The following FHIT variants were observed in gnomAD, a reference collection of about 807,000 sequenced individuals.
FHIT encodes bis(5'-adenosyl)-triphosphatase.
In FHIT, 19 loss-of-function variants were observed where a neutral mutation model predicts 17.9. That is an observed-to-expected ratio of 1.06 (90% CI 0.74 to 1.56). FHIT has a LOEUF of 1.56. FHIT is among the 40% of genes most tolerant of loss of function. The pLI is 0.00. For synonymous variants in FHIT, 81 were observed against 69.7 expected (o/e 1.16, Z -0.81); for missense variants, 248 against 189.2 (o/e 1.31, Z -1.82).
At chr3:61,046,749 T>C (rs929866118) in intron 2 of FHIT, among the ~76,000 whole-genome samples, 2 of 152,158 alleles carry the variant, frequency 1.3e-5, no homozygotes, top group African/African-American at 4.8e-5. Flanking sequence ...CTTCATAAAA[T>C]ACTGGCAAAC....
chr3:60,599,658 G>C (rs1272640877), intron 4 of FHIT, among the ~76,000 whole-genome samples: 1 of 143,690 alleles, frequency 7.0e-6, no homozygotes, highest in Non-Finnish European at 1.5e-5. Flanking sequence ...TACTCCCAAG[G>C]AAGTAAAATG....
At chr3:59,887,773 C>A (rs1007124866) in intron 8 of FHIT, among the ~76,000 whole-genome samples, 2 of 152,144 alleles carry the variant, frequency 1.3e-5, no homozygotes, top group Non-Finnish European at 1.5e-5. Context: ...AATCAGCCAG[C>A]CCAGAGAGAG....
Position 59,747,518 on chromosome 3 carries a change from A to G in FHIT, c.*2067T>C, listed in dbSNP as rs1035909658. Reference sequence around the variant, plus strand: ...TATGGGAGCTACAATTCAAGATGAGATGTGGGTGGGGAAACAGCCAAATCG... The same window carrying G: ...TATGGGAGCTACAATTCAAGATGAGGTGTGGGTGGGGAAACAGCCAAATCG... On this transcript the variant is annotated 3_prime_UTR_variant, in exon 10 of 10. Transcript: ENST00000492590. Among the ~76,000 whole-genome samples the G allele has an allele frequency of 6.6e-6, 1 of 152,118 alleles. No homozygotes were observed. Among genetic ancestry groups the G allele is most frequent in the Non-Finnish European group, 1.5e-5 (1 of 68,024 alleles).
chr3:59,838,262 C>A lies in FHIT; in HGVS notation c.348+84084G>T, dbSNP rs374126852. On this transcript the variant is annotated intron_variant, in intron 8 of 9. Transcript: ENST00000492590. ...AACCTGCCCTCAATGCCCAGACAAACCTGCCTGAAACCCTGCTGTGTTCTT... is the reference window on the plus strand; with the variant it reads ...AACCTGCCCTCAATGCCCAGACAAAACTGCCTGAAACCCTGCTGTGTTCTT... 8.2e-4 allele frequency among the ~76,000 whole-genome samples: 125 copies of A among 152,312 alleles called. 2 individuals carry two copies. The highest frequency in any genetic ancestry group is 2.8e-3 in the African/African-American group (118 of 41,578).
At chr3:60,897,117 G>A (rs1328049111) in intron 3 of FHIT, among the ~76,000 whole-genome samples, 6 of 152,096 alleles carry the variant, frequency 3.9e-5, no homozygotes, top group African/African-American at 9.7e-5. Flanking sequence ...CTCCAATCCC[G>A]ATTCACAGGG....
chr3:60,149,275 G>A (rs1448597205), intron 5 of FHIT, among the ~76,000 whole-genome samples: 2 of 151,710 alleles, frequency 1.3e-5, no homozygotes, highest in African/African-American at 2.4e-5. Context: ...CTCAAAGAGA[G>A]AATTTTGTAT....
intron 4 of FHIT, among the ~76,000 whole-genome samples, chr3:60,740,282 T>G (rs1160165500): frequency 9.2e-5 from 14 of 152,190 alleles, no homozygotes; most frequent in Non-Finnish European, 5.9e-5. Flanking sequence ...ACTGCCTGGT[T>G]TTAAATCTAG....
chr3:60,129,901 T>C (rs1181900477), intron 5 of FHIT, among the ~76,000 whole-genome samples: 2 of 152,166 alleles, frequency 1.3e-5, no homozygotes, highest in African/African-American at 4.8e-5. Context: ...AAAAATCCTG[T>C]CTCTTCTCAC....
chr3:60,664,699 G>T (rs1294347937), intron 4 of FHIT, among the ~76,000 whole-genome samples: 1 of 146,070 alleles, frequency 6.8e-6, no homozygotes, highest in Non-Finnish European at 1.5e-5. Context: ...TGTTGGCTGA[G>T]TTTAGCTAGT....
intron 5 of FHIT, among the ~76,000 whole-genome samples, chr3:60,464,622 C>G (rs980330129): frequency 6.6e-6 from 1 of 152,086 alleles, no homozygotes; most frequent in African/African-American, 2.4e-5. Flanking sequence ...GTTTGTCTTT[C>G]TGTGCCTGGC....
chr3:61,145,353 C>G (rs368642076), intron 2 of FHIT, among the ~76,000 whole-genome samples: 1 of 152,034 alleles, frequency 6.6e-6, no homozygotes, highest in Non-Finnish European at 1.5e-5. Flanking sequence ...ACCATAAATG[C>G]GAGGGTTTAT....
At chr3:60,833,241 G>T (rs1702396555) in intron 3 of FHIT, among the ~76,000 whole-genome samples, 1 of 152,120 alleles carries the variant, frequency 6.6e-6, no homozygotes, top group Admixed American at 6.5e-5. Context: ...CCCTGTAGTT[G>T]GTCCAACCCC....
chr3:60,292,626 T>A (rs1015282212), intron 5 of FHIT, among the ~76,000 whole-genome samples: 2 of 152,144 alleles, frequency 1.3e-5, no homozygotes, highest in African/African-American at 4.8e-5. Context: ...ACTTGATAAT[T>A]AGATGTAACT....
chr3:60,455,023 TTATAG>T (rs762472008), intron 5 of FHIT, among the ~76,000 whole-genome samples: 33 of 152,250 alleles, frequency 2.2e-4, no homozygotes, highest in South Asian at 4.1e-4. Context: ...AGTGACTATA[TTATAG>T]TATGAGTACC....
intron 5 of FHIT, among the ~76,000 whole-genome samples, chr3:60,383,280 A>G (rs1700880247): frequency 6.6e-6 from 1 of 152,142 alleles, no homozygotes; most frequent in African/African-American, 2.4e-5. Context: ...AATGGCCTTA[A>G]TAATTTGCCA....
At chr3:61,224,692 G>A (rs2039925026) in intron 1 of FHIT, among the ~76,000 whole-genome samples, 1 of 152,178 alleles carries the variant, frequency 6.6e-6, no homozygotes, top group African/African-American at 2.4e-5. Context: ...TTACAGGCAT[G>A]AGCCACCACA....
intron 7 of FHIT, among the ~76,000 whole-genome samples, chr3:59,953,974 C>T (rs1014334999): frequency 1.3e-5 from 2 of 152,144 alleles, no homozygotes; most frequent in Non-Finnish European, 2.9e-5. Context: ...CATCCTTTTC[C>T]CTTCTTTTGT....
chr3:60,112,499 C>T (rs749713779), intron 5 of FHIT, among the ~76,000 whole-genome samples: 5 of 152,128 alleles, frequency 3.3e-5, no homozygotes, highest in African/African-American at 1.2e-4. Context: ...CAGAAAAACA[C>T]GACTGCAGGG....
rs891885624 is a variant in FHIT, at chr3:60,311,879, A to G, written c.103+224981T>C. Among the ~76,000 whole-genome samples, 27 of 152,092 alleles carry G rather than the reference A, an allele frequency of 1.8e-4. 1 individual carries two copies. Among genetic ancestry groups the G allele is most frequent in the Non-Finnish European group, 1.0e-4 (7 of 68,028 alleles). On this transcript the variant is annotated intron_variant, in intron 5 of 9. Coordinates refer to ENST00000492590, the MANE Select transcript of FHIT (RefSeq NM_002012.4). The stretch of plus-strand genomic sequence containing the variant: ...TCAAGCTAACAGATATTTGAAATCA[A>G]TTAGTCCAACCCACACATTTTTACA...
Sources: gnomAD v4.1 joint callset for allele counts (sites outside exome capture counted in the v4.1 genomes callset) on GRCh38, gnomAD v4.1.1 for gene constraint, MANE v1.5 for transcripts, NCBI Gene and HGNC (gene_info 2026-07-23, HGNC 2026-07-21) for gene names.